The following JAKMIP3 variants were observed in gnomAD, a reference collection of about 807,000 sequenced individuals.
The protein encoded by JAKMIP3 is janus kinase and microtubule-interacting protein 3.
JAKMIP3 carries 58 observed loss-of-function variants against 118.5 expected under a neutral mutation model. The observed-to-expected ratio is 0.49, with a 90% confidence interval of 0.40 to 0.61. JAKMIP3 has a LOEUF of 0.61. Among genes scored for constraint, JAKMIP3 ranks in the 20% least tolerant of loss-of-function variants. The probability of loss-of-function intolerance (pLI) is 0.00; values close to 1 mark genes in which losing one functional copy is unlikely to be tolerated. For synonymous variants in JAKMIP3, 486 were observed against 451.2 expected (o/e 1.08, Z -0.98); for missense variants, 950 against 1,109.0 (o/e 0.86, Z 2.04).
At chr10:132,066,447 C>T (rs1056581470) in intron 1 of JAKMIP3, among the ~76,000 whole-genome samples, 4 of 152,160 alleles carry the variant, frequency 2.6e-5, no homozygotes, top group African/African-American at 9.7e-5. Flanking sequence ...GTGAGAATCC[C>T]ACGGACATAG....
chr10:132,055,907 A>G (rs886795367), intron 1 of JAKMIP3, among the ~76,000 whole-genome samples: 1 of 152,108 alleles, frequency 6.6e-6, no homozygotes, highest in African/African-American at 2.4e-5. Context: ...AGATATTCTG[A>G]AGAGGAATTC....
intron 23 of JAKMIP3, among the ~76,000 whole-genome samples, chr10:132,180,632 TGC>T (rs1329464310): frequency 0.01 from 333 of 31,930 alleles, 35 homozygotes; most frequent in South Asian, 0.016. Context: ...TGTGCGTGTG[TGC>T]GTGCGTGTGT....
rs1554963508 is a variant in JAKMIP3, at chr10:132,180,782, T to TGTGC, written c.*1104-1574_*1104-1573insTGCG. Among the ~76,000 whole-genome samples the TGTGC allele has an allele frequency of 3.3e-3, 199 of 60,612 alleles. 47 individuals carry two copies. The highest frequency in any genetic ancestry group is 0.015 in the African/African-American group (184 of 12,388). 39.8% of individuals were successfully genotyped at this position (60,612 alleles called of 152,430 possible). ...GTGCGTGTGTGTGCGTGTGTGTGTGTGCGCGTATGCATGTGCTGTGAGTGG... is the reference window on the plus strand; with the variant it reads ...GTGCGTGTGTGTGCGTGTGTGTGTGTGTGCGCGCGTATGCATGTGCTGTGAGTGG... On this transcript the variant is annotated intron_variant, in intron 23 of 23. Coordinates refer to ENST00000684848, the MANE Select transcript of JAKMIP3 (RefSeq NM_001323087.2).
chr10:132,043,978 C>G (rs1255647737), intron 1 of JAKMIP3, among the ~76,000 whole-genome samples: 4 of 152,250 alleles, frequency 2.6e-5, no homozygotes, highest in Non-Finnish European at 5.9e-5. Context: ...TGCGTTTGAT[C>G]CCAGCATGGT....
intron 19 of JAKMIP3, among the ~76,000 whole-genome samples, chr10:132,159,620 GTC>G (rs1444279273): frequency 6.6e-4 from 57 of 86,846 alleles, no homozygotes; most frequent in Non-Finnish European, 8.3e-4. Context: ...GATGCTGGGG[GTC>G]CTCTTCCTTT....
chr10:132,041,169 C>T (rs1473813162), intron 1 of JAKMIP3, among the ~76,000 whole-genome samples: 1 of 152,204 alleles, frequency 6.6e-6, no homozygotes, highest in Non-Finnish European at 1.5e-5. Context: ...GACTCTCATG[C>T]CTCAGCCTCC....
rs1414116486 is a variant in JAKMIP3 at position 132,041,658 on chromosome 10, A to G, written c.-138+4920A>G. Among the ~76,000 whole-genome samples, 4 of 152,132 alleles carry G rather than the reference A, an allele frequency of 2.6e-5. No homozygotes were observed. In the South Asian group the frequency reaches 6.2e-4, roughly 24 times the overall value. ...AGCACCACGGTCAGGAAAGCTGGAA[A>G]CATAGCACGCTGGCCCCGTGGCCCA... On this transcript the variant is annotated intron_variant, in intron 1 of 23. Transcript: ENST00000657785.
rs1331455424 is a variant in JAKMIP3 at position 132,182,419 on chromosome 10, C to G, written c.*1166C>G. On this transcript the variant is annotated 3_prime_UTR_variant, in exon 24 of 24. Coordinates refer to ENST00000684848, the MANE Select transcript of JAKMIP3 (RefSeq NM_001323087.2). ...TGATTTCCATTCCTGCTGGGAGACC[C>G]GGGACGCAGCCCGGGAGCTTCGTCC... 1 of 152,220 alleles carries G rather than the reference C, an allele frequency of 6.6e-6. No individual in the cohort carries two copies. The highest frequency in any genetic ancestry group is 1.5e-5 in the Non-Finnish European group (1 of 68,048). The allele number at this position is 152,220 out of a possible 1,614,324, so 9.4% of individuals were successfully genotyped here.
intron 1 of JAKMIP3, among the ~76,000 whole-genome samples, chr10:132,067,216 A>G (rs1342441286): frequency 6.8e-6 from 1 of 146,914 alleles, no homozygotes; most frequent in East Asian, 2.1e-4. Context: ...AATATGATCA[A>G]TATGTGCTTG....
At chr10:132,038,816 A>T (rs1477051316) in intron 1 of JAKMIP3, among the ~76,000 whole-genome samples, 1 of 150,570 alleles carries the variant, frequency 6.6e-6, no homozygotes, top group Non-Finnish European at 1.5e-5. Flanking sequence ...AAAAACCATC[A>T]TAAACATACT....
rs2037847443 is a variant in JAKMIP3, at chr10:132,044,348, ACTT to A, written c.-138+7612_-138+7614del. Among the ~76,000 whole-genome samples the A allele has an allele frequency of 6.6e-6, 1 of 152,244 alleles. No individual in the cohort carries two copies. The stretch of plus-strand genomic sequence containing the variant: ...GTGGCCAGTGGCTGAGACAGACACA[ACTT>A]CAGCCGTCGTGCAAACAGGTCATCT... On this transcript the variant is annotated intron_variant, in intron 1 of 23. Coordinates refer to the JAKMIP3 transcript ENST00000657785. The surrounding 1 kb of genome is among the most constrained non-coding windows in gnomAD (Gnocchi z 5.3).
At chr10:132,070,244 T>C (rs941951345) in intron 1 of JAKMIP3, among the ~76,000 whole-genome samples, 1 of 152,102 alleles carries the variant, frequency 6.6e-6, no homozygotes, top group African/African-American at 2.4e-5. Context: ...GCCTCCTTGG[T>C]TCAAGAAATT....
intron 23 of JAKMIP3, among the ~76,000 whole-genome samples, chr10:132,169,235 T>C (rs1359033883): frequency 6.6e-6 from 1 of 152,086 alleles, no homozygotes; most frequent in Non-Finnish European, 1.5e-5. Flanking sequence ...GAGCTGTCGC[T>C]GGGGCAGGGT....
chr10:132,068,652 T>C (rs2039328308), intron 1 of JAKMIP3, among the ~76,000 whole-genome samples: 1 of 152,216 alleles, frequency 6.6e-6, no homozygotes. Flanking sequence ...AGGAGCTGCC[T>C]GGGCCTGCTT....
chr10:132,113,523 A>G (rs2047180234), intron 2 of JAKMIP3, among the ~76,000 whole-genome samples: 1 of 152,252 alleles, frequency 6.6e-6, no homozygotes, highest in South Asian at 2.1e-4. Context: ...GTTAGGTTGT[A>G]TTTACGCAGC....
At chr10:132,162,175 G>A (rs763607159) in intron 19 of JAKMIP3, among the ~76,000 whole-genome samples, 4 of 152,204 alleles carry the variant, frequency 2.6e-5, no homozygotes, top group Non-Finnish European at 5.9e-5. Flanking sequence ...TTCCTCCTGG[G>A]GCAGTGGTGG....
intron 23 of JAKMIP3, among the ~76,000 whole-genome samples, chr10:132,180,528 T>TGTGTGC (rs1554962663): frequency 1.1e-4 from 4 of 35,506 alleles, no homozygotes; most frequent in African/African-American, 7.3e-4. Context: ...CAGAACTGTG[T>TGTGTGC]GTGTGTGTGT....
At chr10:132,144,948 C>T (rs2054309207) in intron 11 of JAKMIP3, among the ~76,000 whole-genome samples, 159 bp from the exon 12 acceptor site, 1 of 152,142 alleles carries the variant, frequency 6.6e-6, no homozygotes. Flanking sequence ...CAAAACAGTT[C>T]TCCCTCTCTT....
rs968001843 is a variant in JAKMIP3, at chr10:132,077,446, C to T, written c.-138+11385C>T. Reference sequence around the variant, plus strand: ...GGCCACAGGGGGCCCGAAGAGTCCTCGCCCACTGTCTCCTGTGTTCAGCTG... The same window carrying T: ...GGCCACAGGGGGCCCGAAGAGTCCTTGCCCACTGTCTCCTGTGTTCAGCTG... On this transcript the variant is annotated intron_variant, in intron 1 of 23. Coordinates refer to ENST00000684848, the MANE Select transcript of JAKMIP3 (RefSeq NM_001323087.2). Among the ~76,000 whole-genome samples the T allele has an allele frequency of 4.6e-5, 7 of 152,308 alleles. No individual in the cohort carries two copies. The South Asian group carries it at 1.2e-3, about 27-fold the overall frequency.
Sources: gnomAD v4.1 joint callset for allele counts (sites outside exome capture counted in the v4.1 genomes callset) on GRCh38, gnomAD v4.1.1 for gene constraint, Gnocchi (gnomAD v3.1) non-coding constraint, MANE v1.5 for transcripts, NCBI Gene and HGNC (gene_info 2026-07-23, HGNC 2026-07-21) for gene names.